The following KHDRBS2 variants were observed in gnomAD, a reference collection of about 807,000 sequenced individuals.
The protein encoded by KHDRBS2 is KH domain-containing, RNA-binding, signal transduction-associated protein 2.
In KHDRBS2, 26 loss-of-function variants were observed where a neutral mutation model predicts 44.3. The ratio of observed to expected loss-of-function variants is 0.59; its 90% confidence interval spans 0.43 to 0.81. KHDRBS2 has a LOEUF of 0.81. Ranked by LOEUF, KHDRBS2 falls within the 40% of genes least tolerant of loss-of-function variation. The pLI is 0.00. For synonymous variants in KHDRBS2, 194 were observed against 151.1 expected (o/e 1.28, Z -2.08); for missense variants, 476 against 433.1 (o/e 1.10, Z -0.88).
the KHDRBS2 span, among the ~76,000 whole-genome samples, chr6:61,623,591 G>A: frequency 2.0e-5 from 3 of 152,288 alleles, no homozygotes; most frequent in East Asian, 3.9e-4. Flanking sequence ...GGGTCCATTA[G>A]CATTCCATTT....
chr6:61,688,191 T>C (rs1249326323), intron 8 of KHDRBS2, among the ~76,000 whole-genome samples: 1 of 151,906 alleles, frequency 6.6e-6, no homozygotes, highest in East Asian at 1.9e-4. Context: ...TAAGTGTGTG[T>C]CTATCTTATT....
chr6:62,090,193 C>G (rs1799233369), intron 2 of KHDRBS2, among the ~76,000 whole-genome samples: 1 of 152,062 alleles, frequency 6.6e-6, no homozygotes, highest in African/African-American at 2.4e-5. Context: ...TGGGTATTAA[C>G]AAGAACTATT....
intron 6 of KHDRBS2, among the ~76,000 whole-genome samples, chr6:61,894,268 T>C (rs1802513979): frequency 6.6e-6 from 1 of 152,208 alleles, no homozygotes; most frequent in South Asian, 2.1e-4. Context: ...AATCATATTA[T>C]ATTTGTTAAA....
chr6:61,954,850 G>GTATA lies in KHDRBS2; in HGVS notation c.483+23215_483+23216insTATA, dbSNP rs1562513832. ...CACATGCATATGTATGTATACATAT[G>GTATA]CATGTGTATATACACATACATATGT... On this transcript the variant is annotated intron_variant, in intron 4 of 8. Coordinates refer to ENST00000281156, the MANE Select transcript of KHDRBS2 (RefSeq NM_152688.4). 8.0e-4 allele frequency among the ~76,000 whole-genome samples: 35 copies of GTATA among 43,530 alleles called. 2 individuals carry two copies. Among genetic ancestry groups the GTATA allele is most frequent in the African/African-American group, 2.8e-3 (29 of 10,456 alleles). 28.6% of individuals were successfully genotyped at this position (43,530 alleles called of 152,430 possible).
chr6:61,664,947 T>C, the KHDRBS2 span, among the ~76,000 whole-genome samples: 49 of 151,634 alleles, frequency 3.2e-4, no homozygotes, highest in Non-Finnish European at 1.8e-4. Context: ...TTCTAATTTT[T>C]AAATATATAC....
intron 1 of KHDRBS2, among the ~76,000 whole-genome samples, chr6:62,224,514 T>C (rs912680873): frequency 1.3e-5 from 2 of 152,198 alleles, no homozygotes; most frequent in African/African-American, 4.8e-5. Flanking sequence ...CCTAATATTG[T>C]TGGAAACACT....
intron 3 of KHDRBS2, among the ~76,000 whole-genome samples, chr6:62,020,643 A>C (rs1366690509): frequency 2.0e-5 from 3 of 151,970 alleles, no homozygotes; most frequent in African/African-American, 7.2e-5. Context: ...AAACTTTATA[A>C]TTTTTATATT....
intron 2 of KHDRBS2, among the ~76,000 whole-genome samples, chr6:62,061,239 T>TAA (rs2127326291): frequency 6.6e-6 from 1 of 151,848 alleles, no homozygotes; most frequent in African/African-American, 2.4e-5. Context: ...GTGATTTTGC[T>TAA]CGTTAGTTGA....
chr6:62,029,273 A>T (rs2127290222), intron 3 of KHDRBS2, among the ~76,000 whole-genome samples: 1 of 152,014 alleles, frequency 6.6e-6, no homozygotes, highest in African/African-American at 2.4e-5. Flanking sequence ...AACAAAATTT[A>T]TTTTTCAACA....
In KHDRBS2 at chr6:61,736,758, T is replaced by A. The variant is rs1775425943; in HGVS notation, c.811-3994A>T. ...AATGCTACTGATTCCTCAAGGTCAT[T>A]TTACATAATATCATCTTTAGAAATC... On this transcript the variant is annotated intron_variant, in intron 6 of 8. Coordinates refer to ENST00000281156, the MANE Select transcript of KHDRBS2 (RefSeq NM_152688.4). 2.6e-5 allele frequency among the ~76,000 whole-genome samples: 4 copies of A among 151,970 alleles called. No homozygotes were observed. The South Asian group carries it at 8.3e-4, about 32-fold the overall frequency.
At chr6:61,846,421 T>C (rs1427215102) in intron 6 of KHDRBS2, among the ~76,000 whole-genome samples, 1 of 152,200 alleles carries the variant, frequency 6.6e-6, no homozygotes, top group Non-Finnish European at 1.5e-5. Flanking sequence ...TAGACGTGTT[T>C]CATTCATGTA....
intron 6 of KHDRBS2, among the ~76,000 whole-genome samples, chr6:61,824,768 TA>T (rs1190124550): frequency 6.6e-6 from 1 of 152,206 alleles, no homozygotes; most frequent in Non-Finnish European, 1.5e-5. Context: ...GATAACAGTA[TA>T]ATATGGTCAA....
the KHDRBS2 span, among the ~76,000 whole-genome samples, chr6:61,589,880 C>A: frequency 7.9e-5 from 12 of 152,116 alleles, no homozygotes; most frequent in East Asian, 1.9e-4. Context: ...TATAGTCAGT[C>A]CCGTTCACCA....
the KHDRBS2 span, among the ~76,000 whole-genome samples, chr6:61,590,035 C>A: frequency 2.0e-5 from 3 of 152,016 alleles, no homozygotes; most frequent in Non-Finnish European, 4.4e-5. Flanking sequence ...CAAGAGGCAT[C>A]TGCTGGTAAA....
At chr6:61,664,776 A>G in the KHDRBS2 span, among the ~76,000 whole-genome samples, 1 of 151,728 alleles carries the variant, frequency 6.6e-6, no homozygotes, top group East Asian at 1.9e-4. Flanking sequence ...ATTCTTTAGT[A>G]TATTTTGCAT....
the KHDRBS2 span, among the ~76,000 whole-genome samples, chr6:61,640,535 T>C: frequency 6.6e-6 from 1 of 152,114 alleles, no homozygotes; most frequent in African/African-American, 2.4e-5. Flanking sequence ...CACAAGGCTA[T>C]TGAATGCTTA....
At chr6:62,070,553 T>C (rs981415042) in intron 2 of KHDRBS2, among the ~76,000 whole-genome samples, 40 of 152,092 alleles carry the variant, frequency 2.6e-4, no homozygotes, top group African/African-American at 9.4e-4. Context: ...TGTGTTCTCA[T>C]TGTTCAATTC....
the KHDRBS2 span, among the ~76,000 whole-genome samples, chr6:61,641,992 T>C: frequency 6.6e-6 from 1 of 152,154 alleles, no homozygotes; most frequent in Non-Finnish European, 1.5e-5. Context: ...GAACTGAGAT[T>C]TGGAGAGATG....
intron 8 of KHDRBS2, among the ~76,000 whole-genome samples, chr6:61,685,110 C>T (rs1766683882): frequency 6.6e-6 from 1 of 151,626 alleles, no homozygotes; most frequent in Admixed American, 6.6e-5. Flanking sequence ...CTGGGGAAAG[C>T]ACAGGGAAGG....
Sources: allele counts gnomAD v4.1 joint callset (sites outside exome capture counted in the v4.1 genomes callset), GRCh38; gene constraint gnomAD v4.1.1; transcripts MANE v1.5; gene names NCBI Gene and HGNC (gene_info 2026-07-23, HGNC 2026-07-21).